Variants in AGMO observed in about 807,000 individuals in gnomAD.
The protein encoded by AGMO is alkylglycerol monooxygenase, also known as glyceryl-ether monooxygenase.
In AGMO, 75 loss-of-function variants were observed where a neutral mutation model predicts 60.2. The observed-to-expected ratio is 1.25, with a 90% CI of 1.03 to 1.51. The LOEUF is 1.51. AGMO is among the 40% of genes most tolerant of loss of function. The pLI, the probability that AGMO is intolerant of heterozygous loss-of-function variation, is 0.00. For synonymous variants in AGMO, 261 were observed against 177.1 expected (o/e 1.47, Z -3.76); for missense variants, 763 against 525.5 (o/e 1.45, Z -4.42).
At chr7:15,415,469 G>A (rs1562495693) in intron 5 of AGMO, among the ~76,000 whole-genome samples, 1 of 151,938 alleles carries the variant, frequency 6.6e-6, no homozygotes, top group Non-Finnish European at 1.5e-5. Flanking sequence ...CTTGAACCCA[G>A]GAGGTGGAGG....
At chr7:15,407,540 T>C (rs1784738719) in intron 5 of AGMO, among the ~76,000 whole-genome samples, 1 of 151,674 alleles carries the variant, frequency 6.6e-6, no homozygotes, top group South Asian at 2.1e-4. Context: ...AAATACATTT[T>C]AGATATGCTG....
intron 12 of AGMO, among the ~76,000 whole-genome samples, chr7:15,217,447 G>A (rs1319027274): frequency 3.9e-5 from 6 of 151,974 alleles, no homozygotes; most frequent in Non-Finnish European, 7.4e-5. Flanking sequence ...GCAAGAAATG[G>A]AGAATTTACA....
intron 3 of AGMO, among the ~76,000 whole-genome samples, chr7:15,459,318 G>T (rs1045090886): frequency 6.6e-6 from 1 of 152,108 alleles, no homozygotes. Flanking sequence ...GTTCGTTTAT[G>T]CAAAAACAGC....
At chr7:15,461,440 T>C (rs1259212426) in intron 3 of AGMO, among the ~76,000 whole-genome samples, 1 of 151,578 alleles carries the variant, frequency 6.6e-6, no homozygotes, top group African/African-American at 2.4e-5. Flanking sequence ...GTAATCATCA[T>C]GTATTATACT....
At chr7:15,167,452 C>T in the AGMO span, among the ~76,000 whole-genome samples, 1 of 152,106 alleles carries the variant, frequency 6.6e-6, no homozygotes, top group East Asian at 1.9e-4. Context: ...GCAAGAGACG[C>T]TAAAGAGTAG....
At chr7:15,202,046 A>T (rs1007920347) in intron 12 of AGMO, among the ~76,000 whole-genome samples, 20 of 152,236 alleles carry the variant, frequency 1.3e-4, no homozygotes, top group African/African-American at 4.8e-4. Flanking sequence ...CCGACAATTA[A>T]AACTATAGGA....
chr7:15,518,940 C>T (rs1289355307), intron 3 of AGMO, among the ~76,000 whole-genome samples: 5 of 151,522 alleles, frequency 3.3e-5, no homozygotes, highest in Admixed American at 1.3e-4. Flanking sequence ...ACAGCAATTG[C>T]TAACTAGAAT....
At chr7:15,497,058 T>C (rs904818534) in intron 3 of AGMO, among the ~76,000 whole-genome samples, 2 of 152,114 alleles carry the variant, frequency 1.3e-5, no homozygotes, top group Non-Finnish European at 2.9e-5. Flanking sequence ...AGGTGTGCCA[T>C]AGAAGAAGAA....
chr7:15,255,708 A>G (rs866992937), intron 12 of AGMO, among the ~76,000 whole-genome samples: 13 of 152,210 alleles, frequency 8.5e-5, no homozygotes, highest in South Asian at 2.1e-4. Flanking sequence ...ATGGTTAAAT[A>G]TATGCAAATT....
chr7:15,509,944 G>A (rs2128529689), intron 3 of AGMO, among the ~76,000 whole-genome samples: 1 of 152,230 alleles, frequency 6.6e-6, no homozygotes, highest in South Asian at 2.1e-4. Flanking sequence ...GGAGAAAAGG[G>A]AACCCTAGTA....
intron 12 of AGMO, among the ~76,000 whole-genome samples, chr7:15,275,360 C>T (rs182741261): frequency 6.6e-6 from 1 of 152,006 alleles, no homozygotes; most frequent in Non-Finnish European, 1.5e-5. Flanking sequence ...AGAGTTCATA[C>T]TGGTATTGAT....
chr7:15,242,508 G>T (rs1445657904), intron 12 of AGMO, among the ~76,000 whole-genome samples: 2 of 152,150 alleles, frequency 1.3e-5, no homozygotes, highest in Non-Finnish European at 2.9e-5. Flanking sequence ...GAATACAAAA[G>T]ATTGGTGAGG....
chr7:15,530,733 T>C (rs940941629), intron 3 of AGMO, among the ~76,000 whole-genome samples: 7 of 141,700 alleles, frequency 4.9e-5, no homozygotes, highest in African/African-American at 1.8e-4. Context: ...ATAGATATTC[T>C]ATATATACAT....
At chr7:15,528,989 T>C (rs1784201265) in intron 3 of AGMO, among the ~76,000 whole-genome samples, 1 of 151,956 alleles carries the variant, frequency 6.6e-6, no homozygotes, top group African/African-American at 2.4e-5. Flanking sequence ...CAGATGTAAA[T>C]TGCATAAGAA....
chr7:15,371,926 TCTA>T (rs200386369), intron 10 of AGMO, among the ~76,000 whole-genome samples: 13,302 of 151,702 alleles, frequency 0.088, 172 homozygotes, highest in Non-Finnish European at 0.11. Context: ...ATTAAGTGTT[TCTA>T]AATATTAAAT....
chr7:15,420,200 G>C (rs1427897809), intron 4 of AGMO, among the ~76,000 whole-genome samples: 1 of 152,028 alleles, frequency 6.6e-6, no homozygotes, highest in Non-Finnish European at 1.5e-5. Context: ...GGAAAAAGTG[G>C]TTAAAAGATC....
At chr7:15,251,467 T>C (rs1248642598) in intron 12 of AGMO, among the ~76,000 whole-genome samples, 3 of 152,188 alleles carry the variant, frequency 2.0e-5, no homozygotes, top group Non-Finnish European at 4.4e-5. Flanking sequence ...ACTACATTCC[T>C]AGACTTGAGA....
At chr7:15,528,711 C>T (rs142432933) in intron 3 of AGMO, among the ~76,000 whole-genome samples, 2 of 152,012 alleles carry the variant, frequency 1.3e-5, no homozygotes, top group African/African-American at 2.4e-5. Flanking sequence ...TGCAATGGCA[C>T]GATCTCGGCT....
At chr7:15,296,728 C>A (rs1237975093) in intron 12 of AGMO, among the ~76,000 whole-genome samples, 1 of 152,012 alleles carries the variant, frequency 6.6e-6, no homozygotes, top group Non-Finnish European at 1.5e-5. Context: ...CCCTCTCTAC[C>A]CCAAACCACA....
Sources: gnomAD v4.1 joint callset for allele counts (sites outside exome capture counted in the v4.1 genomes callset) on GRCh38, gnomAD v4.1.1 for gene constraint, MANE v1.5 for transcripts, NCBI Gene and HGNC (gene_info 2026-07-23, HGNC 2026-07-21) for gene names.